The following NPSR1 variants were observed in gnomAD, a reference collection of about 807,000 sequenced individuals.
NPSR1 encodes neuropeptide S receptor 1.
A neutral mutation model predicts 46.9 loss-of-function variants in NPSR1; 48 were observed. The observed-to-expected ratio is 1.02, with a 90% confidence interval of 0.81 to 1.30. NPSR1 has a LOEUF of 1.30. Among genes scored for constraint, NPSR1 ranks in the 50% most tolerant of loss-of-function variants. The pLI is 0.00. For synonymous variants in NPSR1, 176 were observed against 168.1 expected, an observed-to-expected ratio of 1.05 and a Z score of -0.36; for missense variants, 450 against 449.5, an observed-to-expected ratio of 1.00 and a Z score of -0.01.
intron 6 of NPSR1, among the ~76,000 whole-genome samples, chr7:34,840,512 G>A (rs879834912): frequency 2.0e-5 from 3 of 152,218 alleles, no homozygotes; most frequent in Non-Finnish European, 4.4e-5. Context: ...CCTGGCAGAA[G>A]AACTTGGAGA....
At chr7:34,750,928 G>A in intron 2 of NPSR1, 1 of 743,760 alleles carries the variant, frequency 1.3e-6, no homozygotes, top group South Asian at 1.3e-5. Flanking sequence ...CCCAGCTCGG[G>A]GTCTGACAGG....
chr7:34,814,387 G>A (rs985777248), intron 4 of NPSR1, among the ~76,000 whole-genome samples: 18 of 152,338 alleles, frequency 1.2e-4, no homozygotes, highest in Middle Eastern at 3.4e-3. Flanking sequence ...AAAGTGGCCC[G>A]GCAGCTCAAA....
downstream of NPSR1, among the ~76,000 whole-genome samples, chr7:34,852,876 T>A (rs1206632746): frequency 1.3e-5 from 2 of 152,190 alleles, no homozygotes; most frequent in Non-Finnish European, 2.9e-5. Flanking sequence ...TAGGTGTGCT[T>A]ACTATATTCA....
At chr7:34,786,879 G>A (rs1787489061) in intron 3 of NPSR1, among the ~76,000 whole-genome samples, 1 of 152,056 alleles carries the variant, frequency 6.6e-6, no homozygotes, top group Non-Finnish European at 1.5e-5. Flanking sequence ...CTGCCCTTTA[G>A]GCTTTGTTGT....
At chr7:34,866,546 G>T (rs1278314714) in intron 8 of NPSR1, among the ~76,000 whole-genome samples, 1 of 151,620 alleles carries the variant, frequency 6.6e-6, no homozygotes, top group Non-Finnish European at 1.5e-5. Context: ...CCTGACTTGG[G>T]TGGTCAAGGT....
At chr7:34,775,234 G>A (rs867116661) in intron 2 of NPSR1, among the ~76,000 whole-genome samples, 2 of 152,186 alleles carry the variant, frequency 1.3e-5, no homozygotes, top group Admixed American at 6.6e-5. Flanking sequence ...GTTTGAAGAG[G>A]TAACATAGCC....
intron 8 of NPSR1, among the ~76,000 whole-genome samples, chr7:34,873,525 A>G (rs894378752): frequency 5.9e-5 from 9 of 151,736 alleles, no homozygotes; most frequent in African/African-American, 2.2e-4. Context: ...AGCTTACACC[A>G]TGGTGAAAGG....
At chr7:34,856,402 T>C (rs1195030764) in intron 8 of NPSR1, among the ~76,000 whole-genome samples, 1 of 151,682 alleles carries the variant, frequency 6.6e-6, no homozygotes, top group Non-Finnish European at 1.5e-5. Flanking sequence ...CTTTTTGCCC[T>C]TGGAGGCTTC....
At chr7:34,690,270 T>TA (rs70997602) in intron 2 of NPSR1, among the ~76,000 whole-genome samples, 3 of 150,658 alleles carry the variant, frequency 2.0e-5, no homozygotes, top group Admixed American at 6.6e-5. Flanking sequence ...AAAGCAAATT[T>TA]AAAAAAAAAT....
At chr7:34,820,105 T>C (rs1562753853) in intron 4 of NPSR1, among the ~76,000 whole-genome samples, 1 of 152,174 alleles carries the variant, frequency 6.6e-6, no homozygotes, top group Non-Finnish European at 1.5e-5. Context: ...TGTTAAGTGC[T>C]CTTGCCACAA....
At chr7:34,830,624 A>G (rs77691507) in intron 5 of NPSR1, among the ~76,000 whole-genome samples, 2,789 of 151,966 alleles carry the variant, frequency 0.018, 44 homozygotes, top group Non-Finnish European at 0.023. Context: ...CTAATTTGTC[A>G]TTTGCCTCTC....
intron 2 of NPSR1, among the ~76,000 whole-genome samples, chr7:34,711,701 T>A (rs1394022846): frequency 6.6e-6 from 1 of 152,230 alleles, no homozygotes; most frequent in African/African-American, 2.4e-5. Context: ...ACGATGCACA[T>A]AAAATGCCTA....
At chr7:34,684,452 T>C (rs1010044820) in intron 1 of NPSR1, 100 bp from the exon 2 acceptor site, 1 of 1,127,642 alleles carries the variant, frequency 8.9e-7, no homozygotes, top group Non-Finnish European at 1.3e-6. Context: ...AAAGTAGGGA[T>C]ATGTGGCTAG....
At chr7:34,796,341 TATTAAA>T (rs1289679996) in intron 3 of NPSR1, among the ~76,000 whole-genome samples, 3 of 152,122 alleles carry the variant, frequency 2.0e-5, no homozygotes, top group African/African-American at 4.8e-5. Context: ...AGCTGGCATT[TATTAAA>T]ATTAAAATTA....
Position 34,778,558 on chromosome 7 carries a change from A to C in NPSR1, c.377A>C (p.Tyr126Ser), listed in dbSNP as rs542000666. 1 of 1,603,612 alleles carries C rather than the reference A, an allele frequency of 6.2e-7. No homozygotes were observed. The highest frequency in any genetic ancestry group is 1.3e-5 in the African/African-American group (1 of 74,758). ...GACCTGGTTTGCCGAGTGGTCCGCT[A>C]TTTGCAGGTATGTCACACCTTCCAA... ...APDLVCRVVRYLQVVLLYAST... is the reference protein window; with the variant it reads ...APDLVCRVVRSLQVVLLYAST... Residue 126 changes from tyrosine to serine, a missense_variant, in exon 3 of 9, where the codon TAT becomes TCT. Coordinates refer to ENST00000360581, the MANE Select transcript of NPSR1 (RefSeq NM_207172.2).
chr7:34,763,284 A>T (rs1786263361), intron 2 of NPSR1, among the ~76,000 whole-genome samples: 2 of 152,156 alleles, frequency 1.3e-5, no homozygotes, highest in Non-Finnish European at 2.9e-5. Context: ...TGTAATCATT[A>T]TTTTAATCTT....
chr7:34,823,397 C>CAAAAAAA (rs1424522495), intron 4 of NPSR1, among the ~76,000 whole-genome samples: 2 of 26,204 alleles, frequency 7.6e-5, no homozygotes, highest in South Asian at 1.2e-3. Context: ...AAGACTTCAC[C>CAAAAAAA]AGAAAAAAAA....
intron 2 of NPSR1, among the ~76,000 whole-genome samples, chr7:34,736,520 G>A (rs939192424): frequency 6.6e-6 from 1 of 151,800 alleles, no homozygotes; most frequent in Non-Finnish European, 1.5e-5. Flanking sequence ...CCACACTGGC[G>A]AACAAAGCTG....
chr7:34,743,669 A>G (rs1467248605), intron 2 of NPSR1, among the ~76,000 whole-genome samples: 1 of 151,750 alleles, frequency 6.6e-6, no homozygotes, highest in African/African-American at 2.4e-5. Flanking sequence ...TGAACTCCTA[A>G]CCTCGTATCA....
Sources: gnomAD v4.1 joint callset for allele counts (sites outside exome capture counted in the v4.1 genomes callset) on GRCh38, gnomAD v4.1.1 for gene constraint, MANE v1.5 for transcripts, NCBI Gene and HGNC (gene_info 2026-07-23, HGNC 2026-07-21) for gene names.